PGAP6: variants seen among roughly 807,000 people sequenced by gnomAD.
The protein encoded by PGAP6 is post-GPI attachment to proteins factor 6.
A neutral mutation model predicts 68.4 loss-of-function variants in PGAP6; 62 were observed. The ratio of observed to expected loss-of-function variants is 0.91; its 90% CI spans 0.74 to 1.12. The LOEUF (loss-of-function observed/expected upper bound fraction) is 1.12, where lower values mean the gene tolerates loss of function less well. Ranked by LOEUF, PGAP6 falls within the 50% of genes most tolerant of loss-of-function variation. The pLI, the probability that PGAP6 is intolerant of heterozygous loss-of-function variation, is 0.00. For missense variants in PGAP6, 1,188 were observed against 1,068.5 expected (o/e 1.11, Z -1.56); for synonymous variants, 575 against 474.0 (o/e 1.21, Z -2.77).
At chr16:385,527 G>GA (rs1230684132), upstream of PGAP6, among the ~76,000 whole-genome samples, 3 of 150,010 alleles carry the variant, frequency 2.0e-5, no homozygotes, top group Non-Finnish European at 4.4e-5. Flanking sequence ...TAGCCAGGAT[G>GA]GTCTCGATCT....
At chr16:382,164 G>C (rs938176149), upstream of PGAP6, 5 of 387,536 alleles carry the variant, frequency 1.3e-5, no homozygotes, top group Non-Finnish European at 2.3e-5. Flanking sequence ...GCTGGAGGGA[G>C]GGCGCGGGAT....
rs373653937 is a variant in PGAP6, at chr16:374,286, C to T, written c.1690G>A (p.Val564Ile). The change falls in exon 10 of 13, where the codon GTC becomes ATC. Residue 564 changes from valine to isoleucine, a missense_variant. Val to Ile is a conservative substitution (Grantham distance 29). Coordinates refer to ENST00000431232, the MANE Select transcript of PGAP6 (RefSeq NM_021259.3). The stretch of plus-strand genomic sequence containing the variant: ...ACCAGGAAGAATCGCCGCACTGAGA[C>T]GGCGATGGGGGCCAGGAACATGAGG... ...SNLMFLAPIA[V>I]SVRRFFLVEA... 3.2e-5 allele frequency: 52 copies of T among 1,606,918 alleles called. No individual in the cohort carries two copies. The highest frequency in any genetic ancestry group is 6.6e-5 in the South Asian group (6 of 91,066).
chr16:375,181 G>T lies in PGAP6; in HGVS notation c.1391C>A (p.Thr464Lys). 6.2e-7 allele frequency: 1 copy of T among 1,613,518 alleles called. No homozygotes were observed. The highest frequency in any genetic ancestry group is 2.2e-5 in the East Asian group (1 of 44,888). ...RANLIIPYPE[T>K]DNWYLSLQLM... Reference sequence around the variant, plus strand: ...CTGCAGGGAGAGGTACCAGTTGTCTGTCTCTGGGTAGGGGATGATGAGGTT... The same window carrying T: ...CTGCAGGGAGAGGTACCAGTTGTCTTTCTCTGGGTAGGGGATGATGAGGTT... Residue 464 changes from threonine to lysine, a missense_variant, in exon 8 of 13, where the codon ACA becomes AAA. Physicochemically the swap from Thr to Lys is moderately conservative, Grantham distance 78 (BLOSUM62 -1). Coordinates refer to ENST00000431232, the MANE Select transcript of PGAP6 (RefSeq NM_021259.3).
At chr16:374,420 C>A (rs3743888) in intron 9 of PGAP6, 21 bp from the exon 10 acceptor site, 3 of 1,544,374 alleles carry the variant, frequency 1.9e-6, no homozygotes, top group East Asian at 2.3e-5. Context: ...AAAACCCCGA[C>A]GCGGAGGCTG....
intron 9 of PGAP6, 26 bp downstream of exon 9, chr16:374,730 G>C (rs767372555): frequency 1.9e-6 from 3 of 1,611,032 alleles, no homozygotes; most frequent in South Asian, 2.2e-5. Flanking sequence ...GCAGCGTCTC[G>C]GGGCGGGCGG....
intron 1 of PGAP6, among the ~76,000 whole-genome samples, chr16:381,303 C>T (rs12597740): frequency 0.13 from 19,411 of 152,320 alleles, 1,501 homozygotes; most frequent in South Asian, 0.17. Flanking sequence ...CCCGGCTCTG[C>T]CCCTCTCTCA....
rs553766203 is a variant in PGAP6 at position 380,444 on chromosome 16, G to A, written c.121+1257C>T. On this transcript the variant is annotated intron_variant, in intron 1 of 12. Coordinates refer to ENST00000431232, the MANE Select transcript of PGAP6 (RefSeq NM_021259.3). ...TGCAATGGAGCGACTTCGGCTCACC[G>A]CAACCTCTGCCTCCCGGGTTCAAGC... Among the ~76,000 whole-genome samples, 3 of 151,298 alleles carry A rather than the reference G, an allele frequency of 2.0e-5. No individual in the cohort carries two copies. The East Asian group carries it at 5.8e-4, about 29-fold the overall frequency.
At chr16:375,826 G>A (rs116094208) in intron 6 of PGAP6, among the ~76,000 whole-genome samples, 2,092 of 152,270 alleles carry the variant, frequency 0.014, 60 homozygotes, top group African/African-American at 0.048. Flanking sequence ...CACCGCGCCC[G>A]GCCGGTGCTG....
rs2054328022 is a variant in PGAP6, at chr16:371,145, A to G, written c.*842T>C. 1 of 152,218 alleles carries G rather than the reference A, an allele frequency of 6.6e-6. No individual in the cohort carries two copies. The highest frequency in any genetic ancestry group is 1.9e-4 in the East Asian group (1 of 5,188). 9.4% of individuals were successfully genotyped at this position (152,218 alleles called of 1,614,324 possible). On this transcript the variant is annotated 3_prime_UTR_variant, in exon 13 of 13. Transcript: ENST00000431232. Reference sequence around the variant, plus strand: ...GCTCCTGGTCATTGCTTCCCCCACAAGGTTTGCATGAGGAGCAGAGACAGT... The same window carrying G: ...GCTCCTGGTCATTGCTTCCCCCACAGGGTTTGCATGAGGAGCAGAGACAGT...
chr16:385,615 C>A (rs1567328820), upstream of PGAP6, among the ~76,000 whole-genome samples: 1 of 132,978 alleles, frequency 7.5e-6, no homozygotes, highest in African/African-American at 3.0e-5. Context: ...CCGGCCTACT[C>A]TGATTTTTTT....
At chr16:375,086 G>A in intron 8 of PGAP6, 47 bp downstream of exon 8, 1 of 1,605,154 alleles carries the variant, frequency 6.2e-7, no homozygotes, top group Non-Finnish European at 8.5e-7. Flanking sequence ...GGTCCTGAGT[G>A]AAATGACAGG....
chr16:381,947 G>A lies in PGAP6; in HGVS notation c.-126C>T, dbSNP rs1011230810. 6.9e-5 allele frequency: 67 copies of A among 973,364 alleles called. No homozygotes were observed. The African/African-American group carries it at 1.1e-3, about 15-fold the overall frequency. 60.3% of individuals were successfully genotyped at this position (973,364 alleles called of 1,614,324 possible). On this transcript the variant is annotated 5_prime_UTR_variant, in exon 1 of 13. Coordinates refer to ENST00000431232, the MANE Select transcript of PGAP6 (RefSeq NM_021259.3). ...CCTCTGCCCCCGGCGCCCATGGCCC[G>A]GCCGGTCCCCGCCGCCGTCGCCCCG... is the stretch of plus-strand genomic sequence containing the variant.
intron 3 of PGAP6, 28 bp from the exon 4 acceptor site, chr16:377,192 G>A (rs775087104): frequency 1.9e-6 from 3 of 1,612,338 alleles, no homozygotes; most frequent in Admixed American, 3.3e-5. Flanking sequence ...GTGGGCGGGG[G>A]CGGTGTCAGA....
chr16:373,925 C>G, intron 11 of PGAP6, 80 bp downstream of exon 11: 1 of 1,470,174 alleles, frequency 6.8e-7, no homozygotes, highest in Non-Finnish European at 9.0e-7. Context: ...TCCGGCCTCT[C>G]CCACGGTACT....
chr16:381,534 G>A (rs1403210365), intron 1 of PGAP6, among the ~76,000 whole-genome samples, 167 bp downstream of exon 1: 1 of 152,102 alleles, frequency 6.6e-6, no homozygotes, highest in Non-Finnish European at 1.5e-5. Context: ...CGACCCCTAG[G>A]ACACGAAGCG....
At chr16:377,646 G>A in intron 2 of PGAP6, 25 bp downstream of exon 2, 1 of 1,572,312 alleles carries the variant, frequency 6.4e-7, no homozygotes, top group Non-Finnish European at 8.6e-7. Context: ...CGGGAGGGTG[G>A]GCAGGCGGGC....
chr16:376,196 C>T lies in PGAP6; in HGVS notation c.1164G>A (p.Leu388=), dbSNP rs754496018. 18 of 1,612,446 alleles carry T rather than the reference C, an allele frequency of 1.1e-5. No individual in the cohort carries two copies. The East Asian group carries it at 3.3e-4, about 30-fold the overall frequency. ...VCSDTPSVMR[L]RLNTGMDSGG... is the part of the protein sequence containing the mutation. ...CGCTGTCCATGCCGGTGTTCAGGCGCAGCCGCATCACGGAGGGCGTGTCCG... is the reference window on the plus strand; with the variant it reads ...CGCTGTCCATGCCGGTGTTCAGGCGTAGCCGCATCACGGAGGGCGTGTCCG... Residue 388 remains leucine (L), a synonymous_variant, in exon 6 of 13, where the codon CTG becomes CTA. Transcript: ENST00000431232.
At chr16:382,894 T>A (rs565860244), upstream of PGAP6, among the ~76,000 whole-genome samples, 78 of 150,904 alleles carry the variant, frequency 5.2e-4, no homozygotes, top group Middle Eastern at 0.01. Context: ...AATAAACAGC[T>A]CTAAATCAAT....
chr16:372,117 A>T lies in PGAP6; in HGVS notation c.2186T>A (p.Leu729Gln). ...CAGCAGCAAGGCTGCGCTCCCGGCC[A>T]GCAGGATGTGCCAGATGCTGTGGGT... Reference protein sequence around the residue: ...YYTHSIWHILLAGSAALLLPP... With the variant: ...YYTHSIWHILQAGSAALLLPP... Residue 729 changes from leucine (L) to glutamine (Q), a missense_variant, in exon 13 of 13, where the codon CTG becomes CAG. Coordinates refer to ENST00000431232, the MANE Select transcript of PGAP6 (RefSeq NM_021259.3). 2 of 1,612,874 alleles carry T rather than the reference A, an allele frequency of 1.2e-6. No homozygotes were observed. Among genetic ancestry groups the T allele is most frequent in the Non-Finnish European group, 1.7e-6 (2 of 1,179,962 alleles).
Sources: gnomAD v4.1 joint callset for allele counts (sites outside exome capture counted in the v4.1 genomes callset) on GRCh38, gnomAD v4.1.1 for gene constraint, MANE v1.5 for transcripts, NCBI Gene and HGNC (gene_info 2026-07-23, HGNC 2026-07-21) for gene names.